Variants in NR6A1 observed in about 807,000 individuals in gnomAD.
The protein encoded by NR6A1 is retinoic acid receptor-related testis-associated receptor.
Under a neutral mutation model 59.1 loss-of-function variants are expected in NR6A1, and 7 were observed. The observed-to-expected ratio is 0.12, with a 90% CI of 0.07 to 0.22. The LOEUF (loss-of-function observed/expected upper bound fraction) is 0.22. Among genes scored for constraint, NR6A1 ranks in the 10% least tolerant of loss-of-function variants. NR6A1 has a pLI of 1.00. For synonymous variants in NR6A1, 243 were observed against 236.1 expected (o/e 1.03, Z -0.27); for missense variants, 468 against 611.6 (o/e 0.77, Z 2.48).
chr9:124,628,754 C>T (rs1836331596), intron 2 of NR6A1, among the ~76,000 whole-genome samples: 1 of 152,130 alleles, frequency 6.6e-6, no homozygotes, highest in Non-Finnish European at 1.5e-5. Context: ...AATTCTCCTG[C>T]CTCAGTCTCC....
At chr9:124,770,728 T>C (rs1312414967) in intron 1 of NR6A1, among the ~76,000 whole-genome samples, 1 of 32,250 alleles carries the variant, frequency 3.1e-5, no homozygotes, top group East Asian at 1.3e-3. Flanking sequence ...GGGAAGCCTG[T>C]GCAGAGGGGA....
intron 2 of NR6A1, among the ~76,000 whole-genome samples, chr9:124,641,194 A>G (rs557288957): frequency 6.6e-6 from 1 of 152,096 alleles, no homozygotes; most frequent in African/African-American, 2.4e-5. Flanking sequence ...TCTACTAAAA[A>G]ATAAAAATAA....
chr9:124,539,619 C>G (rs1426214285), intron 5 of NR6A1, among the ~76,000 whole-genome samples: 3 of 152,114 alleles, frequency 2.0e-5, no homozygotes, highest in Non-Finnish European at 4.4e-5. Flanking sequence ...GCTTAAAAAG[C>G]CTTCAATGTT....
chr9:124,685,808 T>C (rs1053536675), intron 2 of NR6A1, among the ~76,000 whole-genome samples: 1 of 152,228 alleles, frequency 6.6e-6, no homozygotes, highest in African/African-American at 2.4e-5. Flanking sequence ...GCATTGTCAA[T>C]TTCAGGTTAG....
chr9:124,547,816 T>C (rs1833644368), intron 3 of NR6A1, among the ~76,000 whole-genome samples: 1 of 152,182 alleles, frequency 6.6e-6, no homozygotes, highest in South Asian at 2.1e-4. Flanking sequence ...TGACGAACTA[T>C]TTCAGATTAA....
At chr9:124,652,638 T>C (rs1456593977) in intron 2 of NR6A1, among the ~76,000 whole-genome samples, 1 of 152,106 alleles carries the variant, frequency 6.6e-6, no homozygotes, top group Non-Finnish European at 1.5e-5. Flanking sequence ...ATTAACTCAG[T>C]ACCATGACCA....
chr9:124,567,934 G>C (rs1275618667), intron 2 of NR6A1, among the ~76,000 whole-genome samples: 2 of 148,636 alleles, frequency 1.3e-5, no homozygotes, highest in East Asian at 3.9e-4. Flanking sequence ...CCAGAACTTT[G>C]GGAGGCCAGG....
At chr9:124,683,167 A>G (rs1008357840) in intron 2 of NR6A1, among the ~76,000 whole-genome samples, 1 of 151,910 alleles carries the variant, frequency 6.6e-6, no homozygotes, top group African/African-American at 2.4e-5. Flanking sequence ...ACGCCACTAC[A>G]CTCCAGCCTG....
At chr9:124,720,061 T>C (rs1255529786) in intron 2 of NR6A1, among the ~76,000 whole-genome samples, 1 of 152,192 alleles carries the variant, frequency 6.6e-6, no homozygotes, top group African/African-American at 2.4e-5. Context: ...TTTTGGGTTT[T>C]TTTGAAATGC....
chr9:124,697,152 CA>C (rs1397980247), intron 2 of NR6A1, among the ~76,000 whole-genome samples: 2 of 152,130 alleles, frequency 1.3e-5, no homozygotes, highest in African/African-American at 2.4e-5. Flanking sequence ...AAGAGGATTC[CA>C]CTTTTGGAAC....
chr9:124,732,885 C>T (rs1391788815), intron 2 of NR6A1, among the ~76,000 whole-genome samples: 1 of 151,906 alleles, frequency 6.6e-6, no homozygotes, highest in Non-Finnish European at 1.5e-5. Flanking sequence ...TTGGTAGAGA[C>T]AGGGTTTCAC....
At chr9:124,702,311 T>G in intron 2 of NR6A1, among the ~76,000 whole-genome samples, 1 of 152,174 alleles carries the variant, frequency 6.6e-6, no homozygotes, top group East Asian at 1.9e-4. Context: ...TTAGATAAAT[T>G]TTTGGCATGT....
At chr9:124,546,376 A>C (rs574853692) in intron 3 of NR6A1, among the ~76,000 whole-genome samples, 19 of 152,244 alleles carry the variant, frequency 1.2e-4, no homozygotes, top group African/African-American at 4.6e-4. Flanking sequence ...TACTACTACT[A>C]TGTATGCATC....
intron 2 of NR6A1, among the ~76,000 whole-genome samples, chr9:124,713,863 A>G (rs1267418081): frequency 6.6e-6 from 1 of 152,254 alleles, no homozygotes; most frequent in Admixed American, 6.5e-5. Flanking sequence ...GAATTACCAT[A>G]GGGTCCAGCA....
At chr9:124,737,711 C>T (rs1443152293) in intron 1 of NR6A1, among the ~76,000 whole-genome samples, 2 of 152,048 alleles carry the variant, frequency 1.3e-5, no homozygotes, top group African/African-American at 4.8e-5. Flanking sequence ...ACTAAAAAGA[C>T]AAAAATTAGC....
chr9:124,571,415 A>G (rs370544243), intron 2 of NR6A1, among the ~76,000 whole-genome samples: 1 of 152,142 alleles, frequency 6.6e-6, no homozygotes, highest in Non-Finnish European at 1.5e-5. Flanking sequence ...TCTGCAGTAG[A>G]TATCTTTCTG....
intron 2 of NR6A1, among the ~76,000 whole-genome samples, chr9:124,697,214 G>T (rs576577719): frequency 6.6e-6 from 1 of 152,312 alleles, no homozygotes; most frequent in East Asian, 1.9e-4. Context: ...ATGGATCTGA[G>T]AAAGAATGAT....
intron 9 of NR6A1, among the ~76,000 whole-genome samples, chr9:124,523,836 T>C (rs982511577): frequency 6.6e-6 from 1 of 152,204 alleles, no homozygotes; most frequent in Non-Finnish European, 1.5e-5. Flanking sequence ...AATTTTTATG[T>C]TGAATTAAAA....
At chr9:124,750,512 G>A (rs1213949016) in intron 1 of NR6A1, among the ~76,000 whole-genome samples, 1 of 152,162 alleles carries the variant, frequency 6.6e-6, no homozygotes. Context: ...TGTAATCCCA[G>A]CCCTTTGGGA....
Sources: gnomAD v4.1 joint callset for allele counts (sites outside exome capture counted in the v4.1 genomes callset) on GRCh38, gnomAD v4.1.1 for gene constraint, MANE v1.5 for transcripts, NCBI Gene and HGNC (gene_info 2026-07-23, HGNC 2026-07-21) for gene names.